Variants in IL13RA1 observed in about 807,000 individuals in gnomAD.
The protein encoded by IL13RA1 is interleukin 13 receptor subunit alpha 1.
A neutral mutation model predicts 33.8 loss-of-function variants in IL13RA1; 14 were observed. That is an observed-to-expected ratio of 0.41 (90% CI 0.27 to 0.65). The LOEUF (loss-of-function observed/expected upper bound fraction) is 0.65. Among genes scored for constraint, IL13RA1 ranks in the 30% least tolerant of loss-of-function variants. IL13RA1 has a pLI of 0.28. For missense variants in IL13RA1, 313 were observed against 327.0 expected, an observed-to-expected ratio of 0.96 and a Z score of 0.33; for synonymous variants, 116 against 115.7, an observed-to-expected ratio of 1.00 and a Z score of -0.02.
the IL13RA1 span, among the ~76,000 whole-genome samples, chrX:118,802,209 A>T: frequency 8.9e-6 from 1 of 112,199 alleles, no homozygotes; most frequent in African/African-American, 3.2e-5. Context: ...ATTAACAAAC[A>T]TCGAGTCCAG....
chrX:118,784,129 G>GTGTATA (rs1556373104), intron 10 of IL13RA1, among the ~76,000 whole-genome samples: 10 of 61,514 alleles, frequency 1.6e-4, no homozygotes, highest in South Asian at 8.6e-4. Context: ...GTATATATAT[G>GTGTATA]TATATATATA....
rs1458803169 is a variant in IL13RA1 at position 118,727,806 on chromosome X, C to T, written c.88+80C>T. On this transcript the variant is annotated intron_variant, in intron 1 of 10. Coordinates refer to ENST00000371666, the MANE Select transcript of IL13RA1 (RefSeq NM_001560.3). ...GTCACGGCTGAAAGGCCCCGGAGGT[C>T]AACGCCGGGCGGAGGGCCGAAGCTG... The T allele has an allele frequency of 7.0e-6, 3 of 426,702 alleles. No homozygotes were observed. In the African/African-American group the frequency reaches 7.9e-5, roughly 11 times the overall value. The allele number at this position is 426,702 out of a possible 1,213,427, so 35.2% of individuals were successfully genotyped here. A position where few individuals can be genotyped will look rare whatever the true frequency, so the allele number is the denominator to read the frequency against.
intron 8 of IL13RA1, among the ~76,000 whole-genome samples, chrX:118,771,750 G>A (rs1041129195): frequency 8.0e-5 from 9 of 111,991 alleles, no homozygotes; most frequent in Admixed American, 1.9e-4. Context: ...TGAGGCGGGT[G>A]GATCACTTGA....
intron 10 of IL13RA1, among the ~76,000 whole-genome samples, chrX:118,777,118 T>G (rs1239061358): frequency 1.8e-5 from 2 of 109,381 alleles, no homozygotes; most frequent in Non-Finnish European, 3.8e-5. Flanking sequence ...AAATAGAAAC[T>G]GTGGCTGTTA....
At chrX:118,740,002 A>G (rs750159251) in intron 1 of IL13RA1, among the ~76,000 whole-genome samples, 39 of 112,171 alleles carry the variant, frequency 3.5e-4, no homozygotes, top group Middle Eastern at 4.6e-3. Context: ...GTGCAGTGGC[A>G]TGATCTTGGC....
chrX:118,747,166 C>T, intron 3 of IL13RA1, 74 bp downstream of exon 3: 1 of 625,921 alleles, frequency 1.6e-6, no homozygotes, highest in Non-Finnish European at 2.5e-6. Context: ...GTGCATTGTT[C>T]ATTAATTAAT....
intron 1 of IL13RA1, among the ~76,000 whole-genome samples, chrX:118,733,058 A>C (rs2017240888): frequency 8.9e-6 from 1 of 112,251 alleles, no homozygotes; most frequent in South Asian, 3.6e-4. Flanking sequence ...GTCAATGGAC[A>C]CTTAGGTTGC....
intron 6 of IL13RA1, among the ~76,000 whole-genome samples, chrX:118,764,421 C>T (rs2017624526): frequency 9.1e-6 from 1 of 109,820 alleles, no homozygotes; most frequent in Admixed American, 9.8e-5. Context: ...CTTGTGATTC[C>T]CCAACAGGTC....
intron 6 of IL13RA1, among the ~76,000 whole-genome samples, chrX:118,762,219 T>C (rs899092048): frequency 1.8e-5 from 2 of 112,854 alleles, no homozygotes; most frequent in African/African-American, 6.4e-5. Flanking sequence ...CACTTTTTTG[T>C]GTGGAACACA....
At chrX:118,754,664 A>T (rs930809150) in intron 4 of IL13RA1, among the ~76,000 whole-genome samples, 1 of 101,273 alleles carries the variant, frequency 9.9e-6, no homozygotes, top group African/African-American at 4.5e-5. Context: ...TATTATTATT[A>T]TTATTGTTAT....
chrX:118,732,669 C>T (rs1482967812), intron 1 of IL13RA1, among the ~76,000 whole-genome samples: 1 of 110,018 alleles, frequency 9.1e-6, no homozygotes, highest in African/African-American at 3.3e-5. Context: ...TTTTTTTGTC[C>T]TTGCGATAGT....
At chrX:118,803,401 C>T in the IL13RA1 span, among the ~76,000 whole-genome samples, 21 of 112,229 alleles carry the variant, frequency 1.9e-4, no homozygotes, top group African/African-American at 5.8e-4. Context: ...TCCTACATGA[C>T]GAATTATTTT....
intron 1 of IL13RA1, among the ~76,000 whole-genome samples, chrX:118,731,438 G>T (rs183895284): frequency 9.0e-6 from 1 of 110,896 alleles, no homozygotes; most frequent in African/African-American, 3.3e-5. Context: ...TTAGCCAGGC[G>T]TGGCAGTGCA....
the IL13RA1 span, among the ~76,000 whole-genome samples, chrX:118,800,098 G>A: frequency 9.0e-6 from 1 of 111,273 alleles, no homozygotes; most frequent in Non-Finnish European, 1.9e-5. Context: ...TCCAAAGTCT[G>A]TATCTAACTA....
At chrX:118,782,153 G>A (rs778868698) in intron 10 of IL13RA1, among the ~76,000 whole-genome samples, 8 of 111,126 alleles carry the variant, frequency 7.2e-5, no homozygotes, top group Non-Finnish European at 1.1e-4. Context: ...GCTCACTGTA[G>A]CCTCGACCTC....
chrX:118,802,900 A>G, the IL13RA1 span, among the ~76,000 whole-genome samples: 2 of 111,610 alleles, frequency 1.8e-5, no homozygotes, highest in Non-Finnish European at 3.8e-5. Context: ...CCACCCCACT[A>G]TCCCCCACCA....
At chrX:118,744,142 T>TA (rs202151135) in intron 2 of IL13RA1, among the ~76,000 whole-genome samples, 99 of 108,243 alleles carry the variant, frequency 9.1e-4, no homozygotes, top group African/African-American at 2.8e-3. Flanking sequence ...CAAGACTGTT[T>TA]AAAAAAAAAA....
Position 118,758,257 on chromosome X carries a change from T to A in IL13RA1, c.676+15T>A. On this transcript the variant is annotated intron_variant, in intron 5 of 10. Coordinates refer to ENST00000371666, the MANE Select transcript of IL13RA1 (RefSeq NM_001560.3). The stretch of plus-strand genomic sequence containing the variant: ...AACTTCCCGTGGTAAGTTTTAGAAG[T>A]CCTCTAAAACAGTATGGATAAAAAG... 1 of 823,044 alleles carries A rather than the reference T, an allele frequency of 1.2e-6. No homozygotes were observed. Among genetic ancestry groups the A allele is most frequent in the Non-Finnish European group, 1.8e-6 (1 of 563,834 alleles). 67.8% of individuals were successfully genotyped at this position (823,044 alleles called of 1,213,427 possible).
intron 1 of IL13RA1, among the ~76,000 whole-genome samples, chrX:118,734,395 G>A (rs1230741108): frequency 9.0e-6 from 1 of 111,655 alleles, no homozygotes; most frequent in Admixed American, 9.5e-5. Context: ...GGGCATCTTT[G>A]TTTCATTCCT....
Sources: gnomAD v4.1 joint callset for allele counts (sites outside exome capture counted in the v4.1 genomes callset) on GRCh38, gnomAD v4.1.1 for gene constraint, MANE v1.5 for transcripts, NCBI Gene and HGNC (gene_info 2026-07-23, HGNC 2026-07-21) for gene names.